The following NEBL variants were observed in gnomAD, a reference collection of about 807,000 sequenced individuals.
NEBL encodes the protein LIM and SH3 protein 2.
Under a neutral mutation model 140.2 loss-of-function variants are expected in NEBL, and 122 were observed. The ratio of observed to expected loss-of-function variants is 0.87; its 90% CI spans 0.75 to 1.01. NEBL has a LOEUF of 1.01. Among genes scored for constraint, NEBL ranks in the 50% least tolerant of loss-of-function variants. The pLI, the probability that NEBL is intolerant of heterozygous loss-of-function variation, is 0.00. For synonymous variants in NEBL, 436 were observed against 398.9 expected, an observed-to-expected ratio of 1.09 and a Z score of -1.11; for missense variants, 1,365 against 1,231.3, an observed-to-expected ratio of 1.11 and a Z score of -1.62.
intron 3 of NEBL, among the ~76,000 whole-genome samples, chr10:20,986,573 C>G (rs1277898605): frequency 6.6e-6 from 1 of 152,130 alleles, no homozygotes. Context: ...TACCTAAAAT[C>G]CCTTTCAAAA....
chr10:21,270,934 TG>T, intron 1 of NEBL, among the ~76,000 whole-genome samples: 1 of 152,316 alleles, frequency 6.6e-6, no homozygotes, highest in Middle Eastern at 3.4e-3. Context: ...GACTGTAAAT[TG>T]GTACAGCCAT....
intron 2 of NEBL, chr10:21,125,908 G>C (rs745542166): frequency 1.2e-6 from 2 of 1,614,036 alleles, no homozygotes; most frequent in Non-Finnish European, 1.7e-6. Context: ...CTTCCCTTTG[G>C]TTATACCTTC....
upstream of NEBL, among the ~76,000 whole-genome samples, chr10:21,177,416 G>A (rs1841319090): frequency 6.6e-6 from 1 of 152,166 alleles, no homozygotes; most frequent in African/African-American, 2.4e-5. Context: ...TTTTGTTACT[G>A]CAGCAAAAGC....
intron 2 of NEBL, among the ~76,000 whole-genome samples, chr10:21,144,909 T>C (rs905147931): frequency 1.2e-4 from 16 of 134,248 alleles, no homozygotes; most frequent in African/African-American, 4.2e-4. Context: ...TAAAATGAAA[T>C]GAAAAAGTAT....
chr10:21,167,054 A>G (rs187119566), intron 2 of NEBL, among the ~76,000 whole-genome samples: 1 of 152,308 alleles, frequency 6.6e-6, no homozygotes, highest in African/African-American at 2.4e-5. Flanking sequence ...TGGCCTCGAT[A>G]ATCACACTCA....
chr10:21,015,652 C>T (rs1319223122), intron 3 of NEBL, among the ~76,000 whole-genome samples: 1 of 152,114 alleles, frequency 6.6e-6, no homozygotes, highest in Non-Finnish European at 1.5e-5. Context: ...GCTGAGACTA[C>T]AGGTATGCAC....
intron 2 of NEBL, among the ~76,000 whole-genome samples, chr10:21,101,150 T>C (rs1362250042): frequency 6.6e-6 from 1 of 152,220 alleles, no homozygotes; most frequent in East Asian, 1.9e-4. Flanking sequence ...CTCCCCTCTG[T>C]GTCACTTCCT....
chr10:20,868,824 T>A, intron 6 of NEBL, 59 bp from the exon 7 acceptor site: 2 of 1,139,758 alleles, frequency 1.8e-6, no homozygotes, highest in South Asian at 1.3e-5. Flanking sequence ...TGAACTACAT[T>A]GACATTAGCC....
At chr10:20,924,126 G>A (rs1833745496) in intron 4 of NEBL, among the ~76,000 whole-genome samples, 1 of 152,124 alleles carries the variant, frequency 6.6e-6, no homozygotes, top group Non-Finnish European at 1.5e-5. Context: ...CAGCTAGGGA[G>A]ATTTTGCTCC....
At chr10:20,800,931 T>C (rs1837061610) in intron 26 of NEBL, among the ~76,000 whole-genome samples, 1 of 151,812 alleles carries the variant, frequency 6.6e-6, no homozygotes, top group Non-Finnish European at 1.5e-5. Context: ...TAAATAGCGT[T>C]TAAGTCTCCT....
chr10:21,123,924 T>C (rs956079709), intron 2 of NEBL, among the ~76,000 whole-genome samples: 3 of 151,924 alleles, frequency 2.0e-5, no homozygotes, highest in South Asian at 2.1e-4. Flanking sequence ...AATTTTTGTC[T>C]TCTAGAATGT....
At chr10:21,240,690 T>C (rs1295084047) in intron 3 of NEBL, among the ~76,000 whole-genome samples, 2 of 152,204 alleles carry the variant, frequency 1.3e-5, no homozygotes, top group African/African-American at 4.8e-5. Context: ...CAAGTTATTC[T>C]GGGATTTGGT....
At chr10:21,033,771 G>T in intron 2 of NEBL, among the ~76,000 whole-genome samples, 1 of 148,626 alleles carries the variant, frequency 6.7e-6, no homozygotes, top group Non-Finnish European at 1.5e-5. Flanking sequence ...GAAAAGAAAA[G>T]AAAATTGTAT....
At chr10:21,176,461 A>C (rs1042710060), upstream of NEBL, among the ~76,000 whole-genome samples, 1 of 152,038 alleles carries the variant, frequency 6.6e-6, no homozygotes, top group Non-Finnish European at 1.5e-5. Context: ...TTTTTTTCTC[A>C]TTTTCTACAT....
chr10:20,930,454 A>G (rs1379121797), intron 4 of NEBL, among the ~76,000 whole-genome samples: 1 of 152,182 alleles, frequency 6.6e-6, no homozygotes. Context: ...CATTTTTCCT[A>G]GACATCAGCC....
intron 2 of NEBL, among the ~76,000 whole-genome samples, chr10:21,040,493 G>A (rs1834223342): frequency 6.6e-6 from 1 of 152,118 alleles, no homozygotes; most frequent in Non-Finnish European, 1.5e-5. Flanking sequence ...GTGAGCGAAG[G>A]AGAAATAGAG....
In NEBL at chr10:20,785,038, A is replaced by C. The variant is rs1382505189; in HGVS notation, c.*709T>G. 1 of 152,982 alleles carries C rather than the reference A, an allele frequency of 6.5e-6. No individual in the cohort carries two copies. The allele number at this position is 152,982 out of a possible 1,614,324, so 9.5% of individuals were successfully genotyped here. A position where few individuals can be genotyped will look rare whatever the true frequency, so the allele number is the denominator to read the frequency against. ...AATGACATTATAATTTGCCCTTTGC[A>C]GAGTAGCTGTGAAGTTATTTGGTCC... On this transcript the variant is annotated 3_prime_UTR_variant, in exon 28 of 28. Coordinates refer to ENST00000377122, the MANE Select transcript of NEBL (RefSeq NM_006393.3).
intron 4 of NEBL, among the ~76,000 whole-genome samples, chr10:20,885,063 A>T: frequency 6.7e-6 from 1 of 148,364 alleles, no homozygotes; most frequent in East Asian, 2.0e-4. Flanking sequence ...AATTGACTTT[A>T]AGATAAGTTT....
intron 1 of NEBL, among the ~76,000 whole-genome samples, chr10:21,277,015 G>A (rs1478378908): frequency 6.6e-6 from 1 of 151,838 alleles, no homozygotes; most frequent in Non-Finnish European, 1.5e-5. Context: ...TGTAGTTCCA[G>A]CTACTTGGGA....
Sources: allele counts gnomAD v4.1 joint callset (sites outside exome capture counted in the v4.1 genomes callset), GRCh38; gene constraint gnomAD v4.1.1; transcripts MANE v1.5; gene names NCBI Gene and HGNC (gene_info 2026-07-23, HGNC 2026-07-21).